The following TPO variants were observed in gnomAD, a reference collection of about 807,000 sequenced individuals.
TPO encodes thyroid peroxidase, also known as thyroid microsomal antigen.
TPO carries 78 observed loss-of-function variants against 96.9 expected under a neutral mutation model. The ratio of observed to expected loss-of-function variants is 0.81; its 90% confidence interval spans 0.67 to 0.97. The LOEUF (loss-of-function observed/expected upper bound fraction) is 0.97, where lower values mean the gene tolerates loss of function less well. Ranked by LOEUF, TPO falls within the 50% of genes least tolerant of loss-of-function variation. The probability of loss-of-function intolerance (pLI) is 0.00; values close to 1 mark genes in which losing one functional copy is unlikely to be tolerated. For missense variants in TPO, 1,252 were observed against 1,274.8 expected (o/e 0.98, Z 0.27); for synonymous variants, 547 against 538.0 (o/e 1.02, Z -0.23).
chr2:1,509,725 G>GCCCACCCTCTTTTTCAGGGATAC (rs375563935), intron 14 of TPO, among the ~76,000 whole-genome samples: 1 of 137,696 alleles, frequency 7.3e-6, no homozygotes, highest in Non-Finnish European at 1.5e-5. Context: ...GTCAGGCACA[G>GCCCACCCTCTTTTTCAGGGATAC]CCCACCCTCT....
intron 15 of TPO, among the ~76,000 whole-genome samples, chr2:1,532,853 C>A (rs1477845351): frequency 2.5e-5 from 2 of 79,318 alleles, no homozygotes; most frequent in Non-Finnish European, 2.3e-5. Flanking sequence ...AAATCCCCCC[C>A]ACTCTGCGCA....
At chr2:1,484,959 A>ACAT in intron 9 of TPO, 105 bp downstream of exon 9, 1 of 1,540,330 alleles carries the variant, frequency 6.5e-7, no homozygotes, top group Non-Finnish European at 8.8e-7. Flanking sequence ...CACAACGTGC[A>ACAT]GGTTTGTTAC....
chr2:1,473,250 T>A (rs1203794074), intron 7 of TPO, among the ~76,000 whole-genome samples: 1 of 152,170 alleles, frequency 6.6e-6, no homozygotes, highest in Non-Finnish European at 1.5e-5. Flanking sequence ...TTCCATTCAT[T>A]TTGCACAGTG....
chr2:1,485,279 C>T (rs1671049514), intron 9 of TPO, among the ~76,000 whole-genome samples: 2 of 152,136 alleles, frequency 1.3e-5, no homozygotes, highest in African/African-American at 4.8e-5. Flanking sequence ...TGTATATGTG[C>T]CACATTTTCT....
intron 1 of TPO, among the ~76,000 whole-genome samples, chr2:1,383,259 T>C (rs1661837642): frequency 1.3e-5 from 2 of 152,126 alleles, no homozygotes; most frequent in Admixed American, 1.3e-4. Context: ...GATGGCTGGG[T>C]CAAATGGTAT....
At chr2:1,410,133 TCACA>T (rs1164611403), upstream of TPO, among the ~76,000 whole-genome samples, 1 of 152,176 alleles carries the variant, frequency 6.6e-6, no homozygotes, top group African/African-American at 2.4e-5. Context: ...AATGTTCCTA[TCACA>T]CACACAAAAG....
intron 10 of TPO, among the ~76,000 whole-genome samples, chr2:1,489,871 G>A (rs946758622): frequency 6.6e-6 from 1 of 152,222 alleles, no homozygotes; most frequent in Non-Finnish European, 1.5e-5. Flanking sequence ...GGACAGTAGA[G>A]TCAACCTCAC....
At chr2:1,455,952 C>A in intron 6 of TPO, 124 bp from the exon 7 acceptor site, 1 of 962,674 alleles carries the variant, frequency 1.0e-6, no homozygotes, top group Non-Finnish European at 1.6e-6. Flanking sequence ...GGGCACAGAT[C>A]TCCTAGGGGC....
At chr2:1,454,144 C>G (rs1231789826) in intron 6 of TPO, among the ~76,000 whole-genome samples, 1 of 150,488 alleles carries the variant, frequency 6.6e-6, no homozygotes, top group South Asian at 2.2e-4. Context: ...CTAGGTACAT[C>G]CCAAGATGAT....
intron 7 of TPO, among the ~76,000 whole-genome samples, chr2:1,463,344 A>G (rs959226729): frequency 6.6e-5 from 10 of 152,178 alleles, no homozygotes; most frequent in African/African-American, 2.4e-4. Context: ...CATAAACCCA[A>G]TAGATGACAC....
chr2:1,473,442 T>C (rs1163903408), intron 7 of TPO, among the ~76,000 whole-genome samples: 3 of 152,212 alleles, frequency 2.0e-5, no homozygotes, highest in Admixed American at 1.3e-4. Flanking sequence ...GACTTGGTCA[T>C]AGCGGCCTTA....
At chr2:1,537,091 G>GC (rs1558440173) in intron 15 of TPO, among the ~76,000 whole-genome samples, 2 of 26,442 alleles carry the variant, frequency 7.6e-5, no homozygotes, top group African/African-American at 2.8e-4. Flanking sequence ...CACCAAATCC[G>GC]TCCACTGTGT....
intron 7 of TPO, among the ~76,000 whole-genome samples, chr2:1,469,770 C>A (rs915036427): frequency 6.6e-6 from 1 of 152,168 alleles, no homozygotes; most frequent in African/African-American, 2.4e-5. Flanking sequence ...TCAGGGTGGA[C>A]GATCTCTCCC....
At chr2:1,509,715 G>T (rs905473064) in intron 14 of TPO, among the ~76,000 whole-genome samples, 41 of 28,104 alleles carry the variant, frequency 1.5e-3, no homozygotes, top group African/African-American at 3.3e-3. Flanking sequence ...CCCTTCTTCT[G>T]TCAGGCACAG....
chr2:1,422,329 GCGCC>G (rs1663699651), intron 2 of TPO, among the ~76,000 whole-genome samples: 43 of 83,562 alleles, frequency 5.1e-4, no homozygotes, highest in African/African-American at 1.1e-3. Flanking sequence ...CCTCGTGCAG[GCGCC>G]TCTCCTGGAC....
exon 1 of TPO, chr2:1,374,328 G>A (rs964880327): frequency 6.6e-6 from 1 of 152,226 alleles, no homozygotes; most frequent in East Asian, 1.9e-4. Context: ...GCCTCACCGT[G>A]AGACACCGGG....
Position 1,540,617 on chromosome 2 carries a change from C to T in TPO, c.2642C>T (p.Thr881Ile). 1.9e-6 allele frequency: 3 copies of T among 1,613,674 alleles called. No individual in the cohort carries two copies. Among genetic ancestry groups the T allele is most frequent in the Non-Finnish European group, 2.5e-6 (3 of 1,180,044 alleles). The change falls in exon 16 of 17, where the codon ACA becomes ATA. Residue 881 changes from threonine (T) to isoleucine (I), a missense_variant. Thr to Ile is a moderately conservative substitution (Grantham distance 89). Coordinates refer to ENST00000329066, the MANE Select transcript of TPO (RefSeq NM_001206744.2). Reference sequence around the variant, plus strand: ...AGGACACGCACTGGCACTAAATCCACACTGCCCATCTCGGAGACAGGCGGA... The same window carrying T: ...AGGACACGCACTGGCACTAAATCCATACTGCCCATCTCGGAGACAGGCGGA... Reference protein sequence around the residue: ...CRWTRTGTKSTLPISETGGGT... With the variant: ...CRWTRTGTKSILPISETGGGT...
chr2:1,446,347 G>C (rs184325997), intron 5 of TPO, among the ~76,000 whole-genome samples: 4 of 152,130 alleles, frequency 2.6e-5, no homozygotes, highest in African/African-American at 4.8e-5. Context: ...GACACTCATC[G>C]TTACAGGGCA....
At chr2:1,436,190 A>G (rs902782303) in intron 4 of TPO, 62 bp from the exon 5 acceptor site, 2 of 1,613,300 alleles carry the variant, frequency 1.2e-6, no homozygotes, top group Admixed American at 1.7e-5. Flanking sequence ...ACTGCAATAG[A>G]ATATTTGTTA....
Sources: allele counts gnomAD v4.1 joint callset (sites outside exome capture counted in the v4.1 genomes callset), GRCh38; gene constraint gnomAD v4.1.1; transcripts MANE v1.5; gene names NCBI Gene and HGNC (gene_info 2026-07-23, HGNC 2026-07-21).